Variants in GLG1 observed in about 807,000 individuals in gnomAD.
The protein encoded by GLG1 is Golgi apparatus protein 1.
GLG1 carries 38 observed loss-of-function variants against 160.5 expected under a neutral mutation model. The ratio of observed to expected loss-of-function variants is 0.24; its 90% CI spans 0.18 to 0.31. The LOEUF (loss-of-function observed/expected upper bound fraction) is 0.31. GLG1 is among the 10% of genes least tolerant of loss of function. GLG1 has a pLI of 1.00. For synonymous variants in GLG1, 644 were observed against 543.4 expected (o/e 1.19, Z -2.57); for missense variants, 1,373 against 1,505.2 (o/e 0.91, Z 1.45).
chr16:74,496,745 C>CACAT, intron 4 of GLG1, 101 bp from the exon 5 acceptor site: 1 of 740,762 alleles, frequency 1.3e-6, no homozygotes, highest in Non-Finnish European at 2.3e-6. Context: ...CACACACACA[C>CACAT]ACAAAGTAAT....
intron 1 of GLG1, among the ~76,000 whole-genome samples, chr16:74,581,754 T>C (rs774347672): frequency 6.6e-6 from 1 of 151,654 alleles, no homozygotes; most frequent in Admixed American, 6.6e-5. Context: ...GTACTAAAAA[T>C]ACAAAAAATT....
Position 74,477,389 on chromosome 16 carries a change from C to A in GLG1, c.1965+7G>T. ...TTGTAAGACAAACAGAAAGCGATGT[C>A]ACCTACCTGTCCAGTCTCTGTTTTC... On this transcript the variant is annotated splice_region_variant and intron_variant, in intron 12 of 25. Transcript: ENST00000422840. 6.2e-7 allele frequency: 1 copy of A among 1,605,628 alleles called. No homozygotes were observed. Among genetic ancestry groups the A allele is most frequent in the South Asian group, 1.1e-5 (1 of 90,868 alleles).
chr16:74,461,170 T>C (rs2014777011), intron 22 of GLG1, among the ~76,000 whole-genome samples: 1 of 146,910 alleles, frequency 6.8e-6, no homozygotes, highest in Non-Finnish European at 1.5e-5. Context: ...TAGAATTACT[T>C]TTTTTTTTTT....
intron 15 of GLG1, 92 bp downstream of exon 15, chr16:74,471,081 C>T (rs2015191852): frequency 2.5e-6 from 2 of 792,370 alleles, no homozygotes; most frequent in Non-Finnish European, 2.3e-6. Context: ...TTTAACAGAA[C>T]ATCAGAGGTG....
chr16:74,486,930 C>A (rs1382124623), intron 8 of GLG1, among the ~76,000 whole-genome samples: 1 of 151,130 alleles, frequency 6.6e-6, no homozygotes, highest in Non-Finnish European at 1.5e-5. Flanking sequence ...TTTTTCCCCC[C>A]CGAGACAGAG....
intron 1 of GLG1, among the ~76,000 whole-genome samples, chr16:74,550,340 G>T (rs538463985): frequency 1.2e-4 from 18 of 152,156 alleles, no homozygotes; most frequent in Admixed American, 3.3e-4. Context: ...ATTGATAGAA[G>T]ACCATGATGT....
chr16:74,519,616 T>C (rs2017096900), intron 2 of GLG1, among the ~76,000 whole-genome samples: 1 of 152,068 alleles, frequency 6.6e-6, no homozygotes, highest in African/African-American at 2.4e-5. Flanking sequence ...ACTTCCTCTT[T>C]TATTCACCCT....
intron 12 of GLG1, among the ~76,000 whole-genome samples, chr16:74,476,026 C>CA (rs2015380131): frequency 6.6e-6 from 1 of 151,824 alleles, no homozygotes; most frequent in Admixed American, 6.6e-5. Flanking sequence ...TACTAAAATA[C>CA]AAAAAATCAG....
At chr16:74,499,258 AGAGACAG>A (rs1324453461) in intron 4 of GLG1, among the ~76,000 whole-genome samples, 2 of 152,062 alleles carry the variant, frequency 1.3e-5, no homozygotes, top group Non-Finnish European at 2.9e-5. Context: ...TATTTATTTA[AGAGACAG>A]GGTCTTGCTC....
intron 24 of GLG1, among the ~76,000 whole-genome samples, 174 bp downstream of exon 24, chr16:74,457,700 G>A (rs1046452205): frequency 5.3e-5 from 8 of 152,136 alleles, no homozygotes; most frequent in African/African-American, 1.9e-4. Context: ...CTAAATTCAT[G>A]ATGCCATAAA....
intron 25 of GLG1, among the ~76,000 whole-genome samples, chr16:74,453,611 C>T (rs1427598682): frequency 6.6e-6 from 1 of 152,190 alleles, no homozygotes; most frequent in East Asian, 1.9e-4. Context: ...CACCAGGACA[C>T]TGAAGATGTG....
rs766863821 is a variant in GLG1 at position 74,469,942 on chromosome 16, G to A, written c.2318+43C>T. On this transcript the variant is annotated intron_variant, in intron 16 of 25. Transcript: ENST00000422840. Reference sequence around the variant, plus strand: ...TCGCATACTCATTCCGGAGCTAAGAGGAACTTCGGGAAAGTGGAATGAAAC... The same window carrying A: ...TCGCATACTCATTCCGGAGCTAAGAAGAACTTCGGGAAAGTGGAATGAAAC... 2.4e-6 allele frequency: 3 copies of A among 1,227,606 alleles called. No individual in the cohort carries two copies. In the Admixed American group the frequency reaches 5.0e-5, roughly 21 times the overall value. The allele number at this position is 1,227,606 out of a possible 1,614,324, so 76.0% of individuals were successfully genotyped here.
At chr16:74,478,738 C>T (rs1416281221) in intron 11 of GLG1, among the ~76,000 whole-genome samples, 2 of 151,386 alleles carry the variant, frequency 1.3e-5, no homozygotes, top group Non-Finnish European at 2.9e-5. Flanking sequence ...ATGGAGAAAC[C>T]CCATCTCTAC....
intron 2 of GLG1, among the ~76,000 whole-genome samples, chr16:74,522,374 G>A (rs1450732029): frequency 6.6e-6 from 1 of 152,210 alleles, no homozygotes; most frequent in Non-Finnish European, 1.5e-5. Context: ...AACTATCACC[G>A]TTGTTCCACA....
At chr16:74,455,576 G>A (rs890095885) in intron 25 of GLG1, among the ~76,000 whole-genome samples, 5 of 152,164 alleles carry the variant, frequency 3.3e-5, no homozygotes, top group African/African-American at 1.2e-4. Flanking sequence ...GCCCTCCCTT[G>A]TACCTTCCTG....
chr16:74,563,495 G>A (rs1020931535), intron 1 of GLG1, among the ~76,000 whole-genome samples: 1 of 152,136 alleles, frequency 6.6e-6, no homozygotes, highest in Non-Finnish European at 1.5e-5. Flanking sequence ...TTGGGAGGCT[G>A]AGGTGGGCAG....
Position 74,451,798 on chromosome 16 carries a change from T to C in GLG1, c.*1369A>G. On this transcript the variant is annotated 3_prime_UTR_variant, in exon 26 of 26. Coordinates refer to ENST00000422840, the MANE Select transcript of GLG1 (RefSeq NM_001145667.2). ...CCCCTCCCTCTCACACCCAGACTTG[T>C]CATCTCCACACTGGAGGAATGAGGC... is the stretch of plus-strand genomic sequence containing the variant. The C allele has an allele frequency of 2.2e-6, 1 of 448,498 alleles. No homozygotes were observed. Among genetic ancestry groups the C allele is most frequent in the Admixed American group, 3.4e-5 (1 of 29,306 alleles). 27.8% of individuals were successfully genotyped at this position (448,498 alleles called of 1,614,324 possible).
Position 74,507,663 on chromosome 16 carries a change from G to A in GLG1, c.558+1176C>T, listed in dbSNP as rs1344290489. ...AGGCAGGAGAACTGCTTGAACCCAG[G>A]AGGCAGAGGTTGCAGAGAGCCAAGG... On this transcript the variant is annotated intron_variant, in intron 3 of 25. Transcript: ENST00000422840. Among the ~76,000 whole-genome samples, 3 of 152,130 alleles carry A rather than the reference G, an allele frequency of 2.0e-5. No homozygotes were observed. In the East Asian group the frequency reaches 5.8e-4, roughly 29 times the overall value.
intron 1 of GLG1, among the ~76,000 whole-genome samples, chr16:74,575,114 G>A (rs1356578714): frequency 6.7e-6 from 1 of 148,624 alleles, no homozygotes; most frequent in African/African-American, 2.5e-5. Context: ...GGGCATGATG[G>A]TGGGTGCCTG....
Sources: gnomAD v4.1 joint callset for allele counts (sites outside exome capture counted in the v4.1 genomes callset) on GRCh38, gnomAD v4.1.1 for gene constraint, MANE v1.5 for transcripts, NCBI Gene and HGNC (gene_info 2026-07-23, HGNC 2026-07-21) for gene names.